Variants in MAPK6 observed in about 807,000 individuals in gnomAD.
The protein encoded by MAPK6 is ERK-3.
MAPK6 carries 19 observed loss-of-function variants against 59.3 expected under a neutral mutation model. The ratio of observed to expected loss-of-function variants is 0.32; its 90% CI spans 0.22 to 0.47. The LOEUF is 0.47. Among genes scored for constraint, MAPK6 ranks in the 20% least tolerant of loss-of-function variants. The probability of loss-of-function intolerance (pLI) is 1.00; values close to 1 mark genes in which losing one functional copy is unlikely to be tolerated. For synonymous variants in MAPK6, 316 were observed against 290.3 expected (o/e 1.09, Z -0.90); for missense variants, 724 against 847.9 (o/e 0.85, Z 1.81).
At chr15:52,016,070 G>GCGCACACACA, upstream of MAPK6, among the ~76,000 whole-genome samples, 486 of 55,418 alleles carry the variant, frequency 8.8e-3, 10 homozygotes, top group Non-Finnish European at 0.012. Flanking sequence ...GCGCGCGCGC[G>GCGCACACACA]CACACACACA....
intron 2 of MAPK6, among the ~76,000 whole-genome samples, chr15:52,048,887 C>T (rs1013468609): frequency 1.3e-5 from 2 of 150,544 alleles, no homozygotes; most frequent in Non-Finnish European, 3.0e-5. Context: ...ACACTGACGA[C>T]GTCCACAGTG....
intron 3 of MAPK6, among the ~76,000 whole-genome samples, chr15:52,056,484 T>C (rs2031987858): frequency 6.6e-6 from 1 of 152,232 alleles, no homozygotes. Context: ...TTACATTCTG[T>C]CTTTCACCCT....
In MAPK6 at chr15:51,973,660, T is replaced by A. The variant is rs536873236; in HGVS notation, c.-880+1754T>A. 3.4e-5 allele frequency among the ~76,000 whole-genome samples: 5 copies of A among 147,130 alleles called. No homozygotes were observed. In the South Asian group the frequency reaches 8.6e-4, roughly 25 times the overall value. ...TTTTTTGTTTATGTTTTGGCTACAC[T>A]TTTTTTTTTTAAACAGAGTTTCGCT... On this transcript the variant is annotated intron_variant, in intron 1 of 7. Coordinates refer to the MAPK6 transcript ENST00000691380.
At chr15:52,017,757 G>A (rs916389539), upstream of MAPK6, 3 of 152,084 alleles carry the variant, frequency 2.0e-5, no homozygotes, top group Non-Finnish European at 4.4e-5. Flanking sequence ...TGGGTGATCA[G>A]ACATTGATGG....
chr15:52,064,733 T>C lies in MAPK6; in HGVS notation c.1899T>C (p.Phe633=). ...NTYTSYLDKF[F]SRKEDTEMLE... ...ACACTAGTTACTTGGACAAGTTCTT[T>C]AGCAGGAAAGAAGATACTGAAATGC... Residue 633 remains phenylalanine (F), a synonymous_variant, in exon 6 of 6, where the codon TTT becomes TTC. Transcript: ENST00000261845. The C allele has an allele frequency of 6.2e-7, 1 of 1,611,858 alleles. No individual in the cohort carries two copies.
At chr15:51,979,882 G>A (rs906624406) in intron 1 of MAPK6, among the ~76,000 whole-genome samples, 13 of 151,880 alleles carry the variant, frequency 8.6e-5, no homozygotes, top group African/African-American at 3.1e-4. Flanking sequence ...ATCAGAAGCT[G>A]GACCCAGTGC....
Position 52,046,300 on chromosome 15 carries a change from C to G in MAPK6, c.-161C>G. 2 of 601,572 alleles carry G rather than the reference C, an allele frequency of 3.3e-6. No homozygotes were observed. The highest frequency in any genetic ancestry group is 5.8e-6 in the Non-Finnish European group (2 of 343,210). 37.3% of individuals were successfully genotyped at this position (601,572 alleles called of 1,614,324 possible). A position where few individuals can be genotyped will look rare whatever the true frequency, so the allele number is the denominator to read the frequency against. On this transcript the variant is annotated 5_prime_UTR_variant, in exon 2 of 6. Coordinates refer to ENST00000261845, the MANE Select transcript of MAPK6 (RefSeq NM_002748.4). The stretch of plus-strand genomic sequence containing the variant: ...TTAAATCTAAGGGGAACTCGACAGG[C>G]CTGTTTGGCATATGCAATGAACATC...
upstream of MAPK6, among the ~76,000 whole-genome samples, chr15:52,016,066 GCGCGCACACACACACACA>G (rs1374190327): frequency 2.3e-5 from 1 of 44,338 alleles, no homozygotes; most frequent in Non-Finnish European, 4.8e-5. Flanking sequence ...GCGCGCGCGC[GCGCGCACACACACACACA>G]CACACACACA....
rs150078684 is a variant in MAPK6, at chr15:52,066,475, T to C, written c.*1475T>C. 2.9e-3 allele frequency: 443 copies of C among 152,358 alleles called. 3 individuals are homozygous for C. Among genetic ancestry groups the C allele is most frequent in the African/African-American group, 0.01 (421 of 41,588 alleles). The allele number at this position is 152,358 out of a possible 1,614,324, so 9.4% of individuals were successfully genotyped here. ...AATGTGTAGTTGAAACTTTGAACTG[T>C]GCAGTCAGAAAACTTGAGATTTGCT... On this transcript the variant is annotated 3_prime_UTR_variant, in exon 6 of 6. Transcript: ENST00000261845.
intron 2 of MAPK6, among the ~76,000 whole-genome samples, chr15:51,996,996 T>G (rs1442326628): frequency 1.3e-5 from 2 of 151,810 alleles, no homozygotes; most frequent in Non-Finnish European, 2.9e-5. Context: ...TTTTTTTTTT[T>G]TGAGACGAAG....
In MAPK6 at chr15:52,050,085, G is replaced by A; in HGVS notation, c.648G>A (p.Trp216Ter). ...ATTATACTAAAGCCATTGACATGTG[G>A]GCTGCAGGCTGCATCTTTGCTGAAA... The part of the protein sequence containing the change: ...PNNYTKAIDM[W>*]AAGCIFAEML... Residue 216 changes from tryptophan to a stop codon, truncating the protein, a stop_gained, in exon 3 of 6, where the codon TGG becomes TGA. Coordinates refer to ENST00000261845, the MANE Select transcript of MAPK6 (RefSeq NM_002748.4). LOFTEE classifies it high-confidence loss of function. The A allele has an allele frequency of 1.2e-6, 2 of 1,612,672 alleles. No individual in the cohort carries two copies. Among genetic ancestry groups the A allele is most frequent in the Non-Finnish European group, 1.7e-6 (2 of 1,179,540 alleles).
intron 5 of MAPK6, among the ~76,000 whole-genome samples, chr15:52,062,474 G>GGAAAGTTT (rs1372518629): frequency 1.3e-5 from 2 of 152,108 alleles, no homozygotes; most frequent in African/African-American, 4.8e-5. Context: ...TGGATTTCTA[G>GGAAAGTTT]GAAAGTTTGG....
chr15:51,971,931 C>A, intron 1 of MAPK6: 1 of 611,016 alleles, frequency 1.6e-6, no homozygotes, highest in Non-Finnish European at 2.9e-6. Flanking sequence ...TAAGCCCGGC[C>A]ATTTCGTCAA....
At chr15:52,013,000 AAAAAAAAAAAAAAAAAAAAAATAT>A (rs1350312892) in intron 3 of MAPK6, among the ~76,000 whole-genome samples, 24 of 18,646 alleles carry the variant, frequency 1.3e-3, no homozygotes, top group East Asian at 3.6e-3. Context: ...AAAAAAAAAA[AAAAAAAAAAAAAAAAAAAAAATAT>A]ATATATATAT....
At chr15:51,985,653 AAAAAAAC>A (rs1282088371) in intron 2 of MAPK6, among the ~76,000 whole-genome samples, 1 of 151,050 alleles carries the variant, frequency 6.6e-6, no homozygotes, top group Non-Finnish European at 1.5e-5. Flanking sequence ...ACACTGTCTC[AAAAAAAC>A]AAAAAACAAA....
At chr15:51,986,375 CG>C (rs201623797) in intron 2 of MAPK6, among the ~76,000 whole-genome samples, 2,092 of 151,586 alleles carry the variant, frequency 0.014, 62 homozygotes, top group African/African-American at 0.049. Context: ...ATCCCAATTT[CG>C]TTTTTTTTTT....
chr15:52,047,776 G>A (rs1233824272), intron 2 of MAPK6, among the ~76,000 whole-genome samples: 3 of 151,824 alleles, frequency 2.0e-5, no homozygotes, highest in Non-Finnish European at 4.4e-5. Flanking sequence ...GTGCATGCCA[G>A]CACACCCAAG....
At chr15:52,016,869 C>T (rs529105592), upstream of MAPK6, among the ~76,000 whole-genome samples, 5 of 152,208 alleles carry the variant, frequency 3.3e-5, no homozygotes, top group East Asian at 7.7e-4. Flanking sequence ...CATGGTAAAA[C>T]CTCGTCTCTA....
chr15:52,006,507 C>T (rs1022758037), intron 3 of MAPK6, among the ~76,000 whole-genome samples: 1 of 152,216 alleles, frequency 6.6e-6, no homozygotes, highest in African/African-American at 2.4e-5. Flanking sequence ...CTGTGCTCAA[C>T]ACTAGAGTTT....
Sources: gnomAD v4.1 joint callset for allele counts (sites outside exome capture counted in the v4.1 genomes callset) on GRCh38, gnomAD v4.1.1 for gene constraint, MANE v1.5 for transcripts, NCBI Gene and HGNC (gene_info 2026-07-23, HGNC 2026-07-21) for gene names.